CFDP1: variants seen among roughly 807,000 people sequenced by gnomAD.
CFDP1 encodes the protein heterochromatin-stabilizing protein CFDP1.
In CFDP1, 31 loss-of-function variants were observed where a neutral mutation model predicts 40.1. That is an observed-to-expected ratio of 0.77 (90% CI 0.58 to 1.04). CFDP1 has a LOEUF of 1.04. Ranked by LOEUF, CFDP1 falls within the 50% of genes least tolerant of loss-of-function variation. The pLI, the probability that CFDP1 is intolerant of heterozygous loss-of-function variation, is 0.00. For synonymous variants in CFDP1, 167 were observed against 120.0 expected, an observed-to-expected ratio of 1.39 and a Z score of -2.56; for missense variants, 423 against 343.4, an observed-to-expected ratio of 1.23 and a Z score of -1.83.
intron 5 of CFDP1, among the ~76,000 whole-genome samples, chr16:75,382,123 G>GAA (rs78588129): frequency 1.7e-3 from 135 of 80,804 alleles, no homozygotes; most frequent in African/African-American, 5.2e-3. Context: ...TCTCAAAAAA[G>GAA]AAAAAAAAAA....
Position 75,411,895 on chromosome 16 carries a change from G to T in CFDP1, c.460C>A (p.Leu154Ile). The change falls in exon 4 of 7, where the codon CTA (leucine) becomes ATA (isoleucine). Residue 154 changes from leucine (L) to isoleucine (I), a missense_variant. Leu to Ile is a conservative substitution (Grantham distance 5, BLOSUM62 2). Coordinates refer to ENST00000283882, the MANE Select transcript of CFDP1 (RefSeq NM_006324.3). Reference protein sequence around the residue: ...SSKLLVKAEELEKPKETEKVK... With the variant: ...SSKLLVKAEEIEKPKETEKVK... ...TTTTCTGTTTCTTTAGGTTTCTCTA[G>T]CTCTTCTGCTTTTACCAACAATTTA... 1 of 1,611,866 alleles carries T rather than the reference G, an allele frequency of 6.2e-7. No individual in the cohort carries two copies. The highest frequency in any genetic ancestry group is 2.2e-5 in the East Asian group (1 of 44,806).
rs568184834 is a variant in CFDP1, at chr16:75,388,134, T to C, written c.650+6956A>G. ...TCCGAGTTCGACCAATCATCAACTA[T>C]GTAACTTCAACAAGTTAAGGACGCC... On this transcript the variant is annotated intron_variant, in intron 5 of 6. Coordinates refer to ENST00000283882, the MANE Select transcript of CFDP1 (RefSeq NM_006324.3). 1.8e-4 allele frequency among the ~76,000 whole-genome samples: 27 copies of C among 152,336 alleles called. 1 individual carries two copies. The highest frequency in any genetic ancestry group is 6.0e-4 in the African/African-American group (25 of 41,568).
intron 5 of CFDP1, among the ~76,000 whole-genome samples, chr16:75,356,314 G>C (rs1481264596): frequency 6.6e-6 from 1 of 152,178 alleles, no homozygotes. Flanking sequence ...CTGCAGAATG[G>C]ATGTTAACAG....
At chr16:75,394,296 T>A (rs1001057450) in intron 5 of CFDP1, among the ~76,000 whole-genome samples, 3 of 152,192 alleles carry the variant, frequency 2.0e-5, no homozygotes, top group African/African-American at 7.2e-5. Flanking sequence ...ACTTCTCACA[T>A]TTAGGTTAAG....
chr16:75,375,788 C>A, intron 5 of CFDP1, among the ~76,000 whole-genome samples: 1 of 99,420 alleles, frequency 1.0e-5, no homozygotes. Context: ...GAGACTCCAT[C>A]TCAAAAAAAA....
intron 6 of CFDP1, among the ~76,000 whole-genome samples, chr16:75,299,852 G>A (rs2078210122): frequency 6.6e-6 from 1 of 152,140 alleles, no homozygotes. Context: ...GTGTGACTGA[G>A]GGTTCCTTGG....
At chr16:75,402,210 A>T (rs1452880821) in intron 4 of CFDP1, among the ~76,000 whole-genome samples, 1 of 152,210 alleles carries the variant, frequency 6.6e-6, no homozygotes, top group Non-Finnish European at 1.5e-5. Context: ...ACCACCTCTA[A>T]CGCACAAGAG....
chr16:75,358,793 T>C (rs1489644248), intron 5 of CFDP1, among the ~76,000 whole-genome samples: 1 of 152,198 alleles, frequency 6.6e-6, no homozygotes, highest in Admixed American at 6.5e-5. Context: ...CTTTAGAATT[T>C]TGGAAAACTT....
chr16:75,363,192 T>C (rs563144176), intron 5 of CFDP1, among the ~76,000 whole-genome samples: 26 of 149,506 alleles, frequency 1.7e-4, no homozygotes, highest in Middle Eastern at 3.4e-3. Context: ...TGTTTTTCTA[T>C]AGAAAAATGT....
At chr16:75,371,659 T>C (rs1372485510) in intron 5 of CFDP1, among the ~76,000 whole-genome samples, 1 of 152,168 alleles carries the variant, frequency 6.6e-6, no homozygotes, top group African/African-American at 2.4e-5. Flanking sequence ...TCTCTTGGTC[T>C]TTTCTGAGAA....
chr16:75,394,922 T>C, intron 5 of CFDP1, 168 bp downstream of exon 5: 2 of 834,362 alleles, frequency 2.4e-6, no homozygotes, highest in Non-Finnish European at 3.5e-6. Context: ...AAGTTATGGC[T>C]AATTTTCCTT....
intron 5 of CFDP1, among the ~76,000 whole-genome samples, chr16:75,368,469 T>C (rs1456275327): frequency 6.6e-6 from 1 of 152,224 alleles, no homozygotes; most frequent in Admixed American, 6.5e-5. Flanking sequence ...AGATTCATTA[T>C]GCTAGTCTCT....
chr16:75,416,892 A>G (rs956993559), intron 1 of CFDP1, among the ~76,000 whole-genome samples: 1 of 152,236 alleles, frequency 6.6e-6, no homozygotes, highest in Non-Finnish European at 1.5e-5. Context: ...CCCAAACACC[A>G]AGGGCTAAGT....
intron 5 of CFDP1, among the ~76,000 whole-genome samples, chr16:75,377,138 T>C (rs1461147681): frequency 6.6e-6 from 1 of 152,250 alleles, no homozygotes; most frequent in Non-Finnish European, 1.5e-5. Context: ...GGCTTGGCTG[T>C]GCCCTGTATC....
intron 5 of CFDP1, among the ~76,000 whole-genome samples, chr16:75,373,746 G>C (rs2078771042): frequency 6.6e-6 from 1 of 152,128 alleles, no homozygotes; most frequent in South Asian, 2.1e-4. Flanking sequence ...TTCTGCTCTA[G>C]ATACGAAGCC....
chr16:75,305,275 G>A, intron 5 of CFDP1, 93 bp from the exon 6 acceptor site: 3 of 1,300,482 alleles, frequency 2.3e-6, no homozygotes, highest in East Asian at 2.3e-5. Flanking sequence ...CCCTAGATTG[G>A]GGCCATTTAT....
At chr16:75,415,300 A>G (rs1219228784) in intron 1 of CFDP1, among the ~76,000 whole-genome samples, 3 of 152,184 alleles carry the variant, frequency 2.0e-5, no homozygotes, top group Admixed American at 6.5e-5. Flanking sequence ...TGTGGGTACC[A>G]GTCAATAAAC....
chr16:75,429,858 G>A (rs529908112), intron 1 of CFDP1, among the ~76,000 whole-genome samples: 2 of 152,314 alleles, frequency 1.3e-5, no homozygotes, highest in African/African-American at 4.8e-5. Context: ...AGTATTTGAA[G>A]AGAATTATTC....
chr16:75,432,900 G>A (rs1328082465), intron 1 of CFDP1, among the ~76,000 whole-genome samples: 1 of 93,232 alleles, frequency 1.1e-5, no homozygotes, highest in Non-Finnish European at 2.3e-5. Flanking sequence ...ATCTTGGACG[G>A]GGTGGTGGCC....
Sources: allele counts gnomAD v4.1 joint callset (sites outside exome capture counted in the v4.1 genomes callset), GRCh38; gene constraint gnomAD v4.1.1; transcripts MANE v1.5; gene names NCBI Gene and HGNC (gene_info 2026-07-23, HGNC 2026-07-21).